Variants in MARCHF11 observed in about 807,000 individuals in gnomAD.
MARCHF11 encodes E3 ubiquitin-protein ligase MARCHF11.
In MARCHF11, 29 loss-of-function variants were observed where a neutral mutation model predicts 37.3. The observed-to-expected ratio is 0.78, with a 90% CI of 0.58 to 1.06. The LOEUF (loss-of-function observed/expected upper bound fraction) is 1.06. Among genes scored for constraint, MARCHF11 ranks in the 50% least tolerant of loss-of-function variants. MARCHF11 has a pLI of 0.00. For missense variants in MARCHF11, 482 were observed against 533.4 expected, an observed-to-expected ratio of 0.90 and a Z score of 0.95; for synonymous variants, 233 against 228.0, an observed-to-expected ratio of 1.02 and a Z score of -0.20.
rs746597647 is a variant in MARCHF11 at position 16,168,749 on chromosome 5, A to G, written c.693+8977T>C. ...AGATGAGAGTCAGATGATGATAGAA[A>G]AAGGAAGAAAGAGATGGAAGAAGGA... On this transcript the variant is annotated intron_variant, in intron 2 of 3. Transcript: ENST00000332432. 8.0e-4 allele frequency among the ~76,000 whole-genome samples: 121 copies of G among 152,088 alleles called. 1 individual carries two copies. Among genetic ancestry groups the G allele is most frequent in the Non-Finnish European group, 3.1e-4 (21 of 68,004 alleles).
chr5:16,111,782 G>A (rs1449111327), intron 2 of MARCHF11, among the ~76,000 whole-genome samples: 2 of 152,178 alleles, frequency 1.3e-5, no homozygotes, highest in African/African-American at 2.4e-5. Context: ...TCCCATCATA[G>A]GCCTAGAAGC....
At chr5:16,178,748 G>C (rs1463165972) in intron 1 of MARCHF11, among the ~76,000 whole-genome samples, 1 of 152,190 alleles carries the variant, frequency 6.6e-6, no homozygotes, top group Non-Finnish European at 1.5e-5. Flanking sequence ...CACAAAAGCC[G>C]CTTTTGGCAT....
In MARCHF11 at chr5:16,142,537, G is replaced by C. The variant is rs1737725971; in HGVS notation, c.693+35189C>G. Among the ~76,000 whole-genome samples the C allele has an allele frequency of 2.6e-5, 4 of 152,084 alleles. No homozygotes were observed. The South Asian group carries it at 8.3e-4, about 32-fold the overall frequency. ...CCCTAAGGAATCAAACTACCTGCAAGTTCTGGATCCAGGTTTCGAGGGAGT... is the reference window on the plus strand; with the variant it reads ...CCCTAAGGAATCAAACTACCTGCAACTTCTGGATCCAGGTTTCGAGGGAGT... On this transcript the variant is annotated intron_variant, in intron 2 of 3. Coordinates refer to ENST00000332432, the MANE Select transcript of MARCHF11 (RefSeq NM_001102562.3).
At chr5:16,149,205 C>T (rs1340411594) in intron 2 of MARCHF11, among the ~76,000 whole-genome samples, 1 of 152,134 alleles carries the variant, frequency 6.6e-6, no homozygotes, top group Non-Finnish European at 1.5e-5. Flanking sequence ...CTTCAACTTC[C>T]AAGGCCTTCC....
intron 2 of MARCHF11, among the ~76,000 whole-genome samples, chr5:16,148,032 G>A (rs998333038): frequency 3.9e-5 from 6 of 151,988 alleles, no homozygotes; most frequent in African/African-American, 7.2e-5. Context: ...CACATCATGG[G>A]GGAATTTCCA....
intron 2 of MARCHF11, among the ~76,000 whole-genome samples, chr5:16,115,809 T>C (rs984830548): frequency 6.6e-6 from 1 of 152,072 alleles, no homozygotes; most frequent in Non-Finnish European, 1.5e-5. Context: ...GTATTTTCAG[T>C]AGAGATGGGG....
chr5:16,126,949 A>G (rs1324085915), intron 2 of MARCHF11, among the ~76,000 whole-genome samples: 2 of 152,188 alleles, frequency 1.3e-5, no homozygotes, highest in Non-Finnish European at 2.9e-5. Flanking sequence ...AGGGGTCATA[A>G]ATTTTTAATA....
At chr5:16,141,919 A>G (rs1579408152) in intron 2 of MARCHF11, among the ~76,000 whole-genome samples, 1 of 152,292 alleles carries the variant, frequency 6.6e-6, no homozygotes, top group East Asian at 1.9e-4. Flanking sequence ...CCATCAAGAT[A>G]TTGCTGCATT....
At chr5:16,133,702 A>G (rs1737559420) in intron 2 of MARCHF11, among the ~76,000 whole-genome samples, 1 of 152,166 alleles carries the variant, frequency 6.6e-6, no homozygotes, top group Non-Finnish European at 1.5e-5. Context: ...AAATATTTAA[A>G]ACAGAGTGTC....
intron 2 of MARCHF11, among the ~76,000 whole-genome samples, chr5:16,112,900 G>A (rs1209043869): frequency 6.6e-6 from 1 of 152,222 alleles, no homozygotes; most frequent in African/African-American, 2.4e-5. Context: ...GGTTTTATAA[G>A]GGGAAACCCC....
At chr5:16,084,577 A>T (rs1736662507) in intron 3 of MARCHF11, among the ~76,000 whole-genome samples, 1 of 152,028 alleles carries the variant, frequency 6.6e-6, no homozygotes, top group Admixed American at 6.6e-5. Context: ...CAGGAGATGG[A>T]TGTTGCAGTG....
chr5:16,096,676 G>A (rs911640833), intron 2 of MARCHF11, among the ~76,000 whole-genome samples: 1 of 152,182 alleles, frequency 6.6e-6, no homozygotes, highest in African/African-American at 2.4e-5. Flanking sequence ...AATAAAGGAG[G>A]GAAGAGAAAG....
rs1053916701 is a variant in MARCHF11 at position 16,134,519 on chromosome 5, G to C, written c.693+43207C>G. 2.0e-4 allele frequency among the ~76,000 whole-genome samples: 30 copies of C among 152,232 alleles called. No individual in the cohort carries two copies. In the East Asian group the frequency reaches 4.2e-3, roughly 22 times the overall value. ...CTTTCTCCTCTTTATAAATTACCCA[G>C]TCTGTAGTATTCTGTTATACAGGCA... On this transcript the variant is annotated intron_variant, in intron 2 of 3. Transcript: ENST00000332432.
intron 2 of MARCHF11, among the ~76,000 whole-genome samples, chr5:16,160,798 G>T (rs896990646): frequency 6.6e-6 from 1 of 151,752 alleles, no homozygotes; most frequent in African/African-American, 2.4e-5. Flanking sequence ...TGGAACCTGG[G>T]TCGAATTTAT....
chr5:16,179,004 G>T, intron 1 of MARCHF11, 35 bp downstream of exon 1: 2 of 1,397,074 alleles, frequency 1.4e-6, no homozygotes, highest in South Asian at 1.5e-5. Flanking sequence ...AGCTGGAGCC[G>T]CCACCGGCTG....
intron 2 of MARCHF11, among the ~76,000 whole-genome samples, chr5:16,113,429 G>C (rs1737180429): frequency 6.6e-6 from 1 of 152,146 alleles, no homozygotes; most frequent in African/African-American, 2.4e-5. Flanking sequence ...ACATACTGAA[G>C]AGACTCAATG....
intron 2 of MARCHF11, among the ~76,000 whole-genome samples, chr5:16,110,548 G>T (rs891494923): frequency 8.6e-5 from 13 of 152,042 alleles, no homozygotes; most frequent in Non-Finnish European, 1.3e-4. Context: ...AGGTATTCAG[G>T]TTTCTTTTAA....
chr5:16,085,763 T>C (rs113743254), intron 3 of MARCHF11, among the ~76,000 whole-genome samples: 3,211 of 151,658 alleles, frequency 0.021, 49 homozygotes, highest in Middle Eastern at 0.038. Flanking sequence ...TCATCCTGGC[T>C]AACACGGTGA....
chr5:16,081,540 G>C (rs530216907), intron 3 of MARCHF11, among the ~76,000 whole-genome samples: 1 of 152,124 alleles, frequency 6.6e-6, no homozygotes, highest in Non-Finnish European at 1.5e-5. Context: ...TTTGGCCCTC[G>C]GGCTGCAATT....
Sources: allele counts gnomAD v4.1 joint callset (sites outside exome capture counted in the v4.1 genomes callset), GRCh38; gene constraint gnomAD v4.1.1; transcripts MANE v1.5; gene names NCBI Gene and HGNC (gene_info 2026-07-23, HGNC 2026-07-21).